SOX5: variants seen among roughly 807,000 people sequenced by gnomAD.
SOX5 encodes transcription factor SOX-5.
SOX5 carries 9 observed loss-of-function variants against 92.0 expected under a neutral mutation model. The observed-to-expected ratio is 0.10, with a 90% CI of 0.06 to 0.17. The LOEUF is 0.17. Ranked by LOEUF, SOX5 falls within the 10% of genes least tolerant of loss-of-function variation. The pLI, the probability that SOX5 is intolerant of heterozygous loss-of-function variation, is 1.00. For synonymous variants in SOX5, 344 were observed against 336.3 expected (o/e 1.02, Z -0.25); for missense variants, 642 against 944.5 (o/e 0.68, Z 4.20).
intron 2 of SOX5, among the ~76,000 whole-genome samples, chr12:24,364,391 G>A (rs1955923393): frequency 6.6e-6 from 1 of 151,428 alleles, no homozygotes; most frequent in African/African-American, 2.4e-5. Context: ...GTATTTTGAT[G>A]CTCTATCTTC....
intron 2 of SOX5, among the ~76,000 whole-genome samples, chr12:23,890,440 C>G (rs1376093951): frequency 6.6e-6 from 1 of 151,900 alleles, no homozygotes; most frequent in Admixed American, 6.6e-5. Context: ...GATTATTCAA[C>G]AACCACAGGT....
intron 4 of SOX5, among the ~76,000 whole-genome samples, chr12:23,968,976 C>T (rs1591905929): frequency 6.6e-6 from 1 of 152,122 alleles, no homozygotes; most frequent in South Asian, 2.1e-4. Flanking sequence ...TATATGTCTT[C>T]GTGGATGTCT....
rs552766944 is a variant in SOX5 at position 23,876,678 on chromosome 12, T to C, written c.270+19115A>G. Reference sequence around the variant, plus strand: ...CAAAGGATTATAAATCATTCTACTATAAAGACACATGCACACTTATGTTTA... The same window carrying C: ...CAAAGGATTATAAATCATTCTACTACAAAGACACATGCACACTTATGTTTA... On this transcript the variant is annotated intron_variant, in intron 2 of 14. Transcript: ENST00000451604. 1.1e-3 allele frequency among the ~76,000 whole-genome samples: 170 copies of C among 152,254 alleles called. 1 individual carries two copies. The highest frequency in any genetic ancestry group is 5.9e-3 in the Admixed American group (90 of 15,294).
intron 3 of SOX5, among the ~76,000 whole-genome samples, chr12:23,772,943 C>T (rs2094980322): frequency 6.6e-6 from 1 of 152,100 alleles, no homozygotes; most frequent in African/African-American, 2.4e-5. Context: ...CTTTTTCAAG[C>T]AAATCGGTAT....
At chr12:23,996,177 G>C (rs1344484113) in intron 4 of SOX5, among the ~76,000 whole-genome samples, 1 of 152,114 alleles carries the variant, frequency 6.6e-6, no homozygotes, top group Non-Finnish European at 1.5e-5. Context: ...AAATTCCAGA[G>C]ACCTGAAATC....
intron 4 of SOX5, among the ~76,000 whole-genome samples, chr12:24,155,277 G>GA (rs964022816): frequency 1.4e-4 from 22 of 151,726 alleles, no homozygotes; most frequent in African/African-American, 5.1e-4. Flanking sequence ...AGGGGGAATA[G>GA]AAAAAAAACA....
intron 2 of SOX5, among the ~76,000 whole-genome samples, chr12:24,300,689 T>TTTTAAG (rs1358189765): frequency 6.6e-6 from 1 of 152,226 alleles, no homozygotes; most frequent in Non-Finnish European, 1.5e-5. Context: ...TAAATTTTCA[T>TTTTAAG]ACTTTGAGTC....
chr12:23,777,790 T>G (rs956750303), intron 3 of SOX5, among the ~76,000 whole-genome samples: 1 of 152,108 alleles, frequency 6.6e-6, no homozygotes, highest in Non-Finnish European at 1.5e-5. Flanking sequence ...TAAAACAAAT[T>G]AAGCAGGGGA....
At chr12:23,700,040 G>A (rs2090410899) in intron 6 of SOX5, among the ~76,000 whole-genome samples, 1 of 152,204 alleles carries the variant, frequency 6.6e-6, no homozygotes, top group African/African-American at 2.4e-5. Context: ...AAGAGTCATT[G>A]CATATTTCCG....
intron 4 of SOX5, among the ~76,000 whole-genome samples, chr12:24,161,126 C>A (rs1032582533): frequency 6.6e-6 from 1 of 152,054 alleles, no homozygotes; most frequent in Non-Finnish European, 1.5e-5. Flanking sequence ...ATCCTAACAC[C>A]AAGTTTTAGT....
At chr12:24,292,351 G>T (rs1361521803) in intron 2 of SOX5, among the ~76,000 whole-genome samples, 1 of 152,134 alleles carries the variant, frequency 6.6e-6, no homozygotes, top group Non-Finnish European at 1.5e-5. Flanking sequence ...TTATTTATTT[G>T]AAAATCTATT....
intron 6 of SOX5, among the ~76,000 whole-genome samples, chr12:23,674,591 GC>G (rs1236604458): frequency 1.3e-5 from 2 of 151,468 alleles, no homozygotes; most frequent in African/African-American, 4.9e-5. Flanking sequence ...ACCCTCCTTG[GC>G]CTCCCAAAGT....
At chr12:23,720,609 TC>T (rs1397500471) in intron 6 of SOX5, among the ~76,000 whole-genome samples, 3 of 152,088 alleles carry the variant, frequency 2.0e-5, no homozygotes, top group African/African-American at 7.2e-5. Context: ...GTAAAAATGA[TC>T]TTTAAAAAAA....
At chr12:23,864,252 T>C (rs903307569) in intron 2 of SOX5, among the ~76,000 whole-genome samples, 1 of 152,162 alleles carries the variant, frequency 6.6e-6, no homozygotes, top group African/African-American at 2.4e-5. Flanking sequence ...CATTGACTGC[T>C]ATTTTCCCAT....
chr12:23,800,519 T>C (rs1259246185), intron 3 of SOX5, among the ~76,000 whole-genome samples: 1 of 151,938 alleles, frequency 6.6e-6, no homozygotes, highest in Admixed American at 6.6e-5. Flanking sequence ...AATTGGGACA[T>C]GAATGATACA....
chr12:24,158,663 T>C (rs570733774), intron 4 of SOX5, among the ~76,000 whole-genome samples: 1 of 152,084 alleles, frequency 6.6e-6, no homozygotes, highest in Admixed American at 6.6e-5. Flanking sequence ...CAAATTCTTT[T>C]TGGAATTTTC....
At chr12:24,237,945 C>T (rs1256418073) in intron 3 of SOX5, 1 of 152,108 alleles carries the variant, frequency 6.6e-6, no homozygotes, top group African/African-American at 2.4e-5. Flanking sequence ...CCAGACAGGA[C>T]CCTGCTGGGC....
At chr12:23,775,796 C>G (rs745409504) in intron 3 of SOX5, among the ~76,000 whole-genome samples, 19 of 152,190 alleles carry the variant, frequency 1.2e-4, no homozygotes, top group Non-Finnish European at 2.6e-4. Context: ...TGTCCAAAAA[C>G]CTCACCTGAT....
At chr12:24,050,802 C>G (rs185322565) in intron 4 of SOX5, among the ~76,000 whole-genome samples, 1 of 152,148 alleles carries the variant, frequency 6.6e-6, no homozygotes, top group South Asian at 2.1e-4. Context: ...AACTGTCTAG[C>G]AAGTATATAG....
Sources: gnomAD v4.1 joint callset for allele counts (sites outside exome capture counted in the v4.1 genomes callset) on GRCh38, gnomAD v4.1.1 for gene constraint, MANE v1.5 for transcripts, NCBI Gene and HGNC (gene_info 2026-07-23, HGNC 2026-07-21) for gene names.